HOTAIR: variants seen among roughly 807,000 people sequenced by gnomAD.
HOTAIR encodes HOX transcript antisense RNA (non-protein coding).
At chr12:53,971,172 A>G (rs922058146) in intron 1 of HOTAIR, among the ~76,000 whole-genome samples, 5 of 152,238 alleles carry the variant, frequency 3.3e-5, no homozygotes, top group African/African-American at 1.2e-4. Context: ...GAAACACAGC[A>G]GATTTTTCTT....
At chr12:53,971,580 A>G (rs138839233) in intron 1 of HOTAIR, among the ~76,000 whole-genome samples, 6 of 152,370 alleles carry the variant, frequency 3.9e-5, no homozygotes, top group Non-Finnish European at 8.8e-5. Context: ...ACTGAGGGTT[A>G]TGGATGTAAA....
chr12:53,972,415 C>T (rs779461832), intron 1 of HOTAIR, among the ~76,000 whole-genome samples: 4 of 152,224 alleles, frequency 2.6e-5, no homozygotes, highest in South Asian at 2.1e-4. Context: ...CGCCAGGCAC[C>T]GGCTGGGCGG....
At chr12:53,963,828 T>C (rs1351519751) in exon 7 of HOTAIR, 1 of 152,266 alleles carries the variant, frequency 6.6e-6, no homozygotes, top group Non-Finnish European at 1.5e-5. Context: ...GGCGTTCATG[T>C]GGCGAGCTAG....
At position 53,973,670 on chromosome 12, in the gene HOTAIR, G is replaced by C. The variant is rs1271646693; in HGVS notation, n.59+1228C>G. ...CCGGCTTCTACTCCTCAGTCAACAA[G>C]AACAGCGTCCTGCCTCAAGCCTTCG... On this transcript the variant is annotated intron_variant and non_coding_transcript_variant, in intron 1 of 6. Transcript: ENST00000424518. This position sits in a 1 kb window ranked among gnomAD's most constrained non-coding sequence, Gnocchi z 4.3. 3 of 1,613,696 alleles carry C rather than the reference G, an allele frequency of 1.9e-6. No homozygotes were observed. The highest frequency in any genetic ancestry group is 1.7e-5 in the Admixed American group (1 of 60,028).
exon 1 of HOTAIR, chr12:53,974,937 G>C: frequency 1.9e-6 from 1 of 513,300 alleles, no homozygotes; most frequent in Non-Finnish European, 3.4e-6. Flanking sequence ...TGTCAGCCGC[G>C]GCTCTCGCCT....
chr12:53,964,354 G>A (rs1400237377), intron 5 of HOTAIR: 31 of 152,094 alleles, frequency 2.0e-4, no homozygotes, highest in Admixed American at 2.0e-3. Flanking sequence ...TCTATTAAGA[G>A]CAGAAGATGA....
chr12:53,966,732 A>G (rs1469792789), intron 3 of HOTAIR: 2 of 152,296 alleles, frequency 1.3e-5, no homozygotes, highest in Non-Finnish European at 2.9e-5. Flanking sequence ...GCGTGCGGAG[A>G]AACAAATATA....
chr12:53,962,833 G>A (rs1938976967), exon 7 of HOTAIR: 1 of 152,148 alleles, frequency 6.6e-6, no homozygotes, highest in Non-Finnish European at 1.5e-5. Flanking sequence ...CCAAGCTGGG[G>A]TCTATATTTA....
chr12:53,974,375 G>C (rs1169498481), intron 1 of HOTAIR, among the ~76,000 whole-genome samples: 1 of 151,996 alleles, frequency 6.6e-6, no homozygotes, highest in Non-Finnish European at 1.5e-5. Context: ...GATCCAGAGA[G>C]GGGGAGAGGT....
rs1939184500 is a variant in HOTAIR, at chr12:53,973,424, T to C, written n.59+1474A>G. The C allele has an allele frequency of 1.9e-6, 3 of 1,613,970 alleles. No homozygotes were observed. Among genetic ancestry groups the C allele is most frequent in the African/African-American group, 1.3e-5 (1 of 74,886 alleles). Reference sequence around the variant, plus strand: ...AGGCCCCCTCTCGTCAGATCTCCTATCCCTACTCGGCCCAAGTGCCCCCGG... The same window carrying C: ...AGGCCCCCTCTCGTCAGATCTCCTACCCCTACTCGGCCCAAGTGCCCCCGG... On this transcript the variant is annotated intron_variant and non_coding_transcript_variant, in intron 1 of 6. Transcript: ENST00000424518. This position sits in a 1 kb window ranked among gnomAD's most constrained non-coding sequence, Gnocchi z 4.3.
chr12:53,973,289 G>A lies in HOTAIR; in HGVS notation n.59+1609C>T, dbSNP rs141903332. On this transcript the variant is annotated intron_variant and non_coding_transcript_variant, in intron 1 of 6. Transcript: ENST00000424518. The surrounding 1 kb of genome is among the most constrained non-coding windows in gnomAD (Gnocchi z 4.3). The stretch of plus-strand genomic sequence containing the variant: ...GCAACTTCTGCTCTCCGTCGCGCAA[G>A]GAGAGGGGCGCAGATTTCGGCGAGC... 17 of 1,613,796 alleles carry A rather than the reference G, an allele frequency of 1.1e-5. No individual in the cohort carries two copies. In the Middle Eastern group the frequency reaches 8.2e-4, roughly 78 times the overall value.
intron 5 of HOTAIR, among the ~76,000 whole-genome samples, chr12:53,965,105 T>C (rs1939027291): frequency 6.6e-6 from 1 of 152,236 alleles, no homozygotes; most frequent in African/African-American, 2.4e-5. Flanking sequence ...TCTTTCTCTA[T>C]CCTATTTTTA....
At chr12:53,974,185 C>G (rs1592196410) in intron 1 of HOTAIR, among the ~76,000 whole-genome samples, 1 of 152,126 alleles carries the variant, frequency 6.6e-6, no homozygotes, top group African/African-American at 2.4e-5. Context: ...AACCCCCCTC[C>G]CCCGTTATCT....
In HOTAIR at chr12:53,973,629, C is replaced by A. The variant is rs34652380; in HGVS notation, n.59+1269G>T. 8.2e-5 allele frequency: 133 copies of A among 1,613,778 alleles called. 1 individual carries two copies. In the East Asian group the frequency reaches 2.9e-3, roughly 35 times the overall value. On this transcript the variant is annotated intron_variant and non_coding_transcript_variant, in intron 1 of 6. Coordinates refer to ENST00000424518, the Ensembl canonical transcript of HOTAIR. The surrounding 1 kb of genome is among the most constrained non-coding windows in gnomAD (Gnocchi z 4.3). ...CGGCGGCCACCACCACCCCAGCGCC[C>A]CGCACGCAACCCCCGCCGGCTTCTA...
At position 53,973,647 on chromosome 12, in the gene HOTAIR, G is replaced by T. The variant is rs149946964; in HGVS notation, n.59+1251C>A. The stretch of plus-strand genomic sequence containing the variant: ...CAGCGCCCCGCACGCAACCCCCGCC[G>T]GCTTCTACTCCTCAGTCAACAAGAA... On this transcript the variant is annotated intron_variant and non_coding_transcript_variant, in intron 1 of 6. Coordinates refer to ENST00000424518, the Ensembl canonical transcript of HOTAIR. This position sits in a 1 kb window ranked among gnomAD's most constrained non-coding sequence, Gnocchi z 4.3. 686 of 1,613,520 alleles carry T rather than the reference G, an allele frequency of 4.3e-4. No homozygotes were observed. Among genetic ancestry groups the T allele is most frequent in the Non-Finnish European group, 5.5e-4 (645 of 1,179,992 alleles).
chr12:53,970,691 C>A (rs2136373783), intron 1 of HOTAIR, among the ~76,000 whole-genome samples: 1 of 152,248 alleles, frequency 6.6e-6, no homozygotes, highest in South Asian at 2.1e-4. Flanking sequence ...TTTTTTGTTT[C>A]AAGGAAATAG....
chr12:53,974,786 C>G (rs573081449), intron 1 of HOTAIR: 1 of 169,468 alleles, frequency 5.9e-6, no homozygotes, highest in East Asian at 1.7e-4. Context: ...CAGCTTTCCC[C>G]CCAGATTTCT....
chr12:53,974,322 G>C (rs986136349), intron 1 of HOTAIR, among the ~76,000 whole-genome samples: 6 of 151,700 alleles, frequency 4.0e-5, no homozygotes, highest in African/African-American at 1.5e-4. Flanking sequence ...GGAGGGGAGG[G>C]GTGGAGGGGG....
At position 53,973,055 on chromosome 12, in the gene HOTAIR, C is replaced by G. The variant is rs1205312347; in HGVS notation, n.59+1843G>C. On this transcript the variant is annotated intron_variant and non_coding_transcript_variant, in intron 1 of 6. Coordinates refer to ENST00000424518, the Ensembl canonical transcript of HOTAIR. The surrounding 1 kb of genome is among the most constrained non-coding windows in gnomAD (Gnocchi z 4.3). Reference sequence around the variant, plus strand: ...ATCGCCTGAACGTCCCCGATCTTACCTAAGAGAGAACCCCTCCTACGTCTG... The same window carrying G: ...ATCGCCTGAACGTCCCCGATCTTACGTAAGAGAGAACCCCTCCTACGTCTG... 3.8e-6 allele frequency: 2 copies of G among 532,754 alleles called. No homozygotes were observed. Among genetic ancestry groups the G allele is most frequent in the Non-Finnish European group, 6.6e-6 (2 of 304,738 alleles). The allele number at this position is 532,754 out of a possible 1,614,324, so 33.0% of individuals were successfully genotyped here.
Sources: gnomAD v4.1 joint callset for allele counts (sites outside exome capture counted in the v4.1 genomes callset) on GRCh38, gnomAD v4.1.1 for gene constraint, Gnocchi (gnomAD v3.1) non-coding constraint, MANE v1.5 for transcripts, NCBI Gene and HGNC (gene_info 2026-07-23, HGNC 2026-07-21) for gene names.